The following TPD52L1 variants were observed in gnomAD, a reference collection of about 807,000 sequenced individuals.
TPD52L1 encodes the protein tumor protein D53.
TPD52L1 carries 18 observed loss-of-function variants against 28.7 expected under a neutral mutation model. The observed-to-expected ratio is 0.63, with a 90% CI of 0.43 to 0.93. TPD52L1 has a LOEUF of 0.93. TPD52L1 is among the 40% of genes least tolerant of loss of function. TPD52L1 has a pLI of 0.00. For missense variants in TPD52L1, 203 were observed against 254.8 expected, an observed-to-expected ratio of 0.80 and a Z score of 1.39; for synonymous variants, 75 against 88.8, an observed-to-expected ratio of 0.84 and a Z score of 0.88.
intron 1 of TPD52L1, among the ~76,000 whole-genome samples, chr6:125,208,147 A>G (rs1794271647): frequency 6.6e-6 from 1 of 152,198 alleles, no homozygotes; most frequent in African/African-American, 2.4e-5. Context: ...GAAGAACTCA[A>G]CAAAGTTTAA....
At chr6:125,260,821 G>A (rs1372902643) in intron 6 of TPD52L1, among the ~76,000 whole-genome samples, 1 of 123,820 alleles carries the variant, frequency 8.1e-6, no homozygotes, top group Admixed American at 9.1e-5. Flanking sequence ...AAGAAAGAAA[G>A]AAGAAAGGAA....
chr6:125,215,596 G>C (rs189127659), intron 1 of TPD52L1, among the ~76,000 whole-genome samples: 1 of 152,304 alleles, frequency 6.6e-6, no homozygotes, highest in East Asian at 1.9e-4. Context: ...GACTTTGAAA[G>C]ATTCGTGATG....
chr6:125,176,248 A>C (rs1791816114), intron 1 of TPD52L1, among the ~76,000 whole-genome samples: 1 of 152,212 alleles, frequency 6.6e-6, no homozygotes, highest in Non-Finnish European at 1.5e-5. Context: ...GTTCATCGAG[A>C]TTTATGAGAA....
At chr6:125,157,868 GT>G (rs1360312841) in intron 1 of TPD52L1, among the ~76,000 whole-genome samples, 1 of 152,166 alleles carries the variant, frequency 6.6e-6, no homozygotes, top group East Asian at 1.9e-4. Flanking sequence ...CTGTCTCATT[GT>G]TTGGCGGTTA....
chr6:125,231,627 GTTGTTGTTTGT>G (rs1378267468), intron 3 of TPD52L1, among the ~76,000 whole-genome samples: 2 of 149,522 alleles, frequency 1.3e-5, no homozygotes, highest in African/African-American at 5.0e-5. Context: ...TGTTGTTGTT[GTTGTTGTTTGT>G]TTGTTTGTTT....
intron 6 of TPD52L1, 106 bp from the exon 7 acceptor site, chr6:125,262,728 A>C: frequency 1.4e-6 from 2 of 1,406,828 alleles, no homozygotes; most frequent in East Asian, 2.3e-5. Flanking sequence ...TAAAGATAGA[A>C]AGTATTTCTG....
At position 125,263,329 on chromosome 6, in the gene TPD52L1, T is replaced by C. The variant is rs1399705654; in HGVS notation, c.*367T>C. On this transcript the variant is annotated 3_prime_UTR_variant, in exon 7 of 7. Coordinates refer to ENST00000534000, the MANE Select transcript of TPD52L1 (RefSeq NM_003287.4). ...TTATGATGTGCATGTCCTTGAAGGC[T>C]GAATGAACAGTCCCTTTCAGTTCAG... is the stretch of plus-strand genomic sequence containing the variant. 1 of 215,574 alleles carries C rather than the reference T, an allele frequency of 4.6e-6. No homozygotes were observed. The highest frequency in any genetic ancestry group is 9.4e-6 in the Non-Finnish European group (1 of 106,688). 13.4% of individuals were successfully genotyped at this position (215,574 alleles called of 1,614,324 possible).
chr6:125,201,330 A>G (rs564779734), intron 1 of TPD52L1, among the ~76,000 whole-genome samples: 67 of 152,332 alleles, frequency 4.4e-4, no homozygotes, highest in African/African-American at 1.5e-3. Flanking sequence ...TGGGGGTCGC[A>G]ACAACTTTTG....
At chr6:125,226,640 A>T (rs961372520) in intron 2 of TPD52L1, among the ~76,000 whole-genome samples, 1 of 152,084 alleles carries the variant, frequency 6.6e-6, no homozygotes, top group East Asian at 1.9e-4. Flanking sequence ...TACACAGTGG[A>T]AAATACTGTA....
At chr6:125,194,911 G>T (rs1355040834) in intron 1 of TPD52L1, among the ~76,000 whole-genome samples, 4 of 152,228 alleles carry the variant, frequency 2.6e-5, no homozygotes, top group African/African-American at 7.2e-5. Flanking sequence ...CAAGGGCAAA[G>T]TTTGAGGATA....
intron 1 of TPD52L1, 93 bp from the exon 2 acceptor site, chr6:125,219,985 T>C (rs1206641988): frequency 1.2e-6 from 1 of 862,034 alleles, no homozygotes; most frequent in Non-Finnish European, 2.0e-6. Context: ...TGGGAGGGTC[T>C]GTCAGTGCAT....
rs546119087 is a variant in TPD52L1 at position 125,168,674 on chromosome 6, C to T, written c.19+14704C>T. On this transcript the variant is annotated intron_variant, in intron 1 of 6. Transcript: ENST00000534000. ...CTGGGACTACAGGCGCCCGCCACCA[C>T]GCCCAGCTAATTTTTGTATTTTTAG... 5.3e-5 allele frequency among the ~76,000 whole-genome samples: 8 copies of T among 152,164 alleles called. No homozygotes were observed. In the South Asian group the frequency reaches 1.0e-3, roughly 20 times the overall value.
At chr6:125,226,210 T>G (rs1246249076) in intron 2 of TPD52L1, among the ~76,000 whole-genome samples, 1 of 152,344 alleles carries the variant, frequency 6.6e-6, no homozygotes, top group South Asian at 2.1e-4. Flanking sequence ...TTGAAATGGT[T>G]AGAATTTTAT....
chr6:125,242,595 T>C (rs1251738759), intron 3 of TPD52L1, among the ~76,000 whole-genome samples: 1 of 152,158 alleles, frequency 6.6e-6, no homozygotes, highest in Non-Finnish European at 1.5e-5. Context: ...TTTTGCTTGA[T>C]ATAAGAATAG....
At chr6:125,251,991 T>G in intron 4 of TPD52L1, 1 of 1,536,072 alleles carries the variant, frequency 6.5e-7, no homozygotes, top group Non-Finnish European at 8.7e-7. Flanking sequence ...ACTCTGCTCC[T>G]GCTCTTCTCT....
At chr6:125,172,548 ATAT>A (rs1791540097) in intron 1 of TPD52L1, among the ~76,000 whole-genome samples, 3 of 100,806 alleles carry the variant, frequency 3.0e-5, no homozygotes, top group Admixed American at 1.2e-4. Flanking sequence ...ATATATATAT[ATAT>A]AATATATATA....
chr6:125,245,881 C>T (rs1426269320), intron 3 of TPD52L1, among the ~76,000 whole-genome samples: 1 of 152,250 alleles, frequency 6.6e-6, no homozygotes, highest in African/African-American at 2.4e-5. Context: ...CTCGCCCCTA[C>T]CTGTCTGCCC....
At chr6:125,164,252 C>A (rs901657488) in intron 1 of TPD52L1, among the ~76,000 whole-genome samples, 5 of 152,146 alleles carry the variant, frequency 3.3e-5, no homozygotes, top group African/African-American at 1.2e-4. Flanking sequence ...CATATGTGGG[C>A]AGGGTCTAAG....
chr6:125,170,891 T>TG (rs59206387), intron 1 of TPD52L1, among the ~76,000 whole-genome samples: 9,460 of 152,170 alleles, frequency 0.062, 573 homozygotes, highest in East Asian at 0.33. Context: ...GACCATGTTC[T>TG]GGTATCTGAG....
Sources: gnomAD v4.1 joint callset for allele counts (sites outside exome capture counted in the v4.1 genomes callset) on GRCh38, gnomAD v4.1.1 for gene constraint, MANE v1.5 for transcripts, NCBI Gene and HGNC (gene_info 2026-07-23, HGNC 2026-07-21) for gene names.